LRRC7: variants seen among roughly 807,000 people sequenced by gnomAD.
LRRC7 encodes leucine-rich repeat-containing protein 7.
A neutral mutation model predicts 175.7 loss-of-function variants in LRRC7; 23 were observed. The observed-to-expected ratio is 0.13, with a 90% confidence interval of 0.09 to 0.19. The LOEUF (loss-of-function observed/expected upper bound fraction) is 0.19. Among genes scored for constraint, LRRC7 ranks in the 10% least tolerant of loss-of-function variants. The pLI is 1.00. For missense variants in LRRC7, 1,354 were observed against 1,904.7 expected (o/e 0.71, Z 5.38); for synonymous variants, 685 against 680.9 (o/e 1.01, Z -0.09).
At chr1:69,907,691 A>T (rs1042546081) in intron 7 of LRRC7, among the ~76,000 whole-genome samples, 1 of 152,186 alleles carries the variant, frequency 6.6e-6, no homozygotes, top group Non-Finnish European at 1.5e-5. Flanking sequence ...TTTTCCATCA[A>T]TGTTCATCAA....
intron 1 of LRRC7, among the ~76,000 whole-genome samples, chr1:69,627,667 G>C (rs1351469000): frequency 2.0e-5 from 3 of 151,954 alleles, no homozygotes; most frequent in Non-Finnish European, 4.4e-5. Context: ...TGTCCTGAAT[G>C]GTATTGCCTA....
chr1:70,020,387 C>G (rs1333660914), intron 15 of LRRC7, among the ~76,000 whole-genome samples: 1 of 151,924 alleles, frequency 6.6e-6, no homozygotes, highest in Non-Finnish European at 1.5e-5. Flanking sequence ...CTGCAACAGA[C>G]TAAATTTTCC....
intron 4 of LRRC7, among the ~76,000 whole-genome samples, chr1:69,809,932 C>A (rs746756679): frequency 6.6e-6 from 1 of 152,114 alleles, no homozygotes; most frequent in African/African-American, 2.4e-5. Flanking sequence ...GGCAATCAGG[C>A]AAGAGAAAGA....
chr1:69,823,555 G>T (rs753420267), intron 4 of LRRC7, among the ~76,000 whole-genome samples: 1 of 152,116 alleles, frequency 6.6e-6, no homozygotes, highest in African/African-American at 2.4e-5. Flanking sequence ...AAAAGTGTGT[G>T]TGTGTGCGTA....
At chr1:70,117,120 C>T (rs1051348094) in intron 26 of LRRC7, among the ~76,000 whole-genome samples, 11 of 152,274 alleles carry the variant, frequency 7.2e-5, no homozygotes, top group African/African-American at 2.6e-4. Context: ...GAATTTAAAT[C>T]AACCAGAAAT....
intron 13 of LRRC7, among the ~76,000 whole-genome samples, chr1:70,014,301 A>G (rs113639373): frequency 9.9e-5 from 15 of 152,026 alleles, no homozygotes; most frequent in African/African-American, 3.4e-4. Context: ...CTTAGCAAAT[A>G]TTATCAATGA....
chr1:69,789,191 T>C (rs1674833583), intron 3 of LRRC7, among the ~76,000 whole-genome samples: 1 of 152,132 alleles, frequency 6.6e-6, no homozygotes, highest in African/African-American at 2.4e-5. Flanking sequence ...CTCAAACCAA[T>C]TTCTTCAGAG....
chr1:70,047,695 T>C (rs1421299390), intron 22 of LRRC7, among the ~76,000 whole-genome samples: 2 of 152,146 alleles, frequency 1.3e-5, no homozygotes, highest in African/African-American at 4.8e-5. Context: ...TCAAGTATGG[T>C]ATATTTTTCA....
chr1:69,662,270 T>C (rs1657583677), intron 1 of LRRC7, among the ~76,000 whole-genome samples: 1 of 151,870 alleles, frequency 6.6e-6, no homozygotes. Context: ...TTCAATCATT[T>C]AAAAATAAAT....
chr1:69,607,122 A>G (rs1421006776), intron 1 of LRRC7: 2 of 152,132 alleles, frequency 1.3e-5, no homozygotes, highest in African/African-American at 4.8e-5. Context: ...GGTTTGGAAT[A>G]TTCAGTCTAC....
intron 7 of LRRC7, among the ~76,000 whole-genome samples, chr1:69,849,468 A>C (rs1167160062): frequency 6.6e-6 from 1 of 152,100 alleles, no homozygotes; most frequent in Non-Finnish European, 1.5e-5. Flanking sequence ...AGCATTTCTT[A>C]TACTAAATAT....
chr1:69,811,882 C>A (rs535147762), intron 4 of LRRC7, among the ~76,000 whole-genome samples: 1 of 152,238 alleles, frequency 6.6e-6, no homozygotes, highest in East Asian at 1.9e-4. Flanking sequence ...AACAAACCTG[C>A]ACATTCTGTG....
rs778958180 is a variant in LRRC7, at chr1:70,039,037, C to T, written c.3213C>T (p.Ser1071=). The T allele has an allele frequency of 2.5e-6, 4 of 1,614,058 alleles. No homozygotes were observed. Among genetic ancestry groups the T allele is most frequent in the Non-Finnish European group, 3.4e-6 (4 of 1,179,996 alleles). Residue 1071 remains serine (S), a synonymous_variant, in exon 21 of 27, where the codon AGC becomes AGT. Transcript: ENST00000651989. ...MTKKVYQFDQ[S]FNPQGSVEVK... ...AAAAAGTCTATCAGTTTGACCAAAG[C>T]TTCAATCCTCAAGGATCAGTGGAAG...
chr1:69,718,002 GAAAA>G (rs1359072028), intron 2 of LRRC7, among the ~76,000 whole-genome samples: 11 of 138,906 alleles, frequency 7.9e-5, no homozygotes, highest in African/African-American at 2.4e-4. Context: ...GAGAAAGAAA[GAAAA>G]GAGAAGCAGA....
intron 2 of LRRC7, among the ~76,000 whole-genome samples, chr1:69,730,731 C>G (rs902192204): frequency 2.0e-5 from 3 of 152,170 alleles, no homozygotes; most frequent in African/African-American, 4.8e-5. Context: ...CTGCCTATTA[C>G]CAGTTCCAAA....
intron 2 of LRRC7, among the ~76,000 whole-genome samples, chr1:69,708,737 C>T (rs987699400): frequency 6.6e-6 from 1 of 152,130 alleles, no homozygotes; most frequent in Non-Finnish European, 1.5e-5. Flanking sequence ...TCTGTTGGTA[C>T]AACTCTGCTC....
intron 9 of LRRC7, 149 bp downstream of exon 9, chr1:69,980,602 ATT>A (rs71733859): frequency 1.2e-4 from 58 of 489,684 alleles, no homozygotes; most frequent in Middle Eastern, 5.3e-4. Context: ...TGTTTTCACC[ATT>A]TTTTTTTTTA....
chr1:69,987,580 T>C (rs1010983086), intron 10 of LRRC7, among the ~76,000 whole-genome samples: 3 of 152,212 alleles, frequency 2.0e-5, no homozygotes, highest in African/African-American at 7.2e-5. Flanking sequence ...GAATTTTCTG[T>C]TTCCCTTTTC....
At chr1:69,647,837 A>T (rs1371564532) in intron 1 of LRRC7, among the ~76,000 whole-genome samples, 2 of 152,096 alleles carry the variant, frequency 1.3e-5, no homozygotes, top group African/African-American at 4.8e-5. Flanking sequence ...TTGATATATT[A>T]TTTTATTGAG....
Sources: gnomAD v4.1 joint callset for allele counts (sites outside exome capture counted in the v4.1 genomes callset) on GRCh38, gnomAD v4.1.1 for gene constraint, MANE v1.5 for transcripts, NCBI Gene and HGNC (gene_info 2026-07-23, HGNC 2026-07-21) for gene names.